Variants in ULK4 observed in about 807,000 individuals in gnomAD.
ULK4 encodes inactive serine/threonine-protein kinase ULK4.
ULK4 carries 133 observed loss-of-function variants against 160.6 expected under a neutral mutation model. The ratio of observed to expected loss-of-function variants is 0.83; its 90% CI spans 0.72 to 0.96. The LOEUF (loss-of-function observed/expected upper bound fraction) is 0.96, where lower values mean the gene tolerates loss of function less well. ULK4 is among the 40% of genes least tolerant of loss of function. The pLI, the probability that ULK4 is intolerant of heterozygous loss-of-function variation, is 0.00. For missense variants in ULK4, 1,580 were observed against 1,499.5 expected (o/e 1.05, Z -0.89); for synonymous variants, 534 against 539.8 (o/e 0.99, Z 0.15).
At chr3:41,914,222 G>A (rs1628874) in intron 8 of ULK4, among the ~76,000 whole-genome samples, 103,777 of 152,072 alleles carry the variant, frequency 0.68, 39,054 homozygotes, top group East Asian at 0.83. Flanking sequence ...ATTTATAGTC[G>A]ACTAATCATT....
intron 36 of ULK4, among the ~76,000 whole-genome samples, chr3:41,248,400 C>T (rs1352094158): frequency 6.6e-6 from 1 of 152,150 alleles, no homozygotes; most frequent in Non-Finnish European, 1.5e-5. Flanking sequence ...GCAGGAAAGT[C>T]AGTCTCTCCT....
intron 20 of ULK4, among the ~76,000 whole-genome samples, chr3:41,798,953 G>C (rs1322264928): frequency 6.6e-6 from 1 of 152,154 alleles, no homozygotes; most frequent in Admixed American, 6.6e-5. Context: ...TACCAGGAAG[G>C]AAAGAATTGA....
chr3:41,430,711 A>T (rs1288733388), intron 34 of ULK4, among the ~76,000 whole-genome samples: 1 of 152,244 alleles, frequency 6.6e-6, no homozygotes, highest in African/African-American at 2.4e-5. Context: ...TGGGAGCCAT[A>T]GGCAGGATAA....
chr3:41,689,731 C>T (rs550026989), intron 27 of ULK4, among the ~76,000 whole-genome samples: 162 of 152,232 alleles, frequency 1.1e-3, no homozygotes, highest in Admixed American at 5.0e-3. Flanking sequence ...CAAATCAATA[C>T]CACAATGAGA....
chr3:41,250,372 A>G (rs2078723750), intron 35 of ULK4, among the ~76,000 whole-genome samples: 1 of 152,240 alleles, frequency 6.6e-6, no homozygotes, highest in Admixed American at 6.5e-5. Context: ...AAACGCTTGT[A>G]TGGCACTTTA....
At chr3:41,862,890 T>C (rs1280345635) in intron 17 of ULK4, among the ~76,000 whole-genome samples, 1 of 150,264 alleles carries the variant, frequency 6.7e-6, no homozygotes, top group African/African-American at 2.4e-5. Context: ...ACCACCGCTA[T>C]GACAGCACTG....
chr3:41,899,312 T>G (rs1698272663), intron 13 of ULK4: 1 of 152,242 alleles, frequency 6.6e-6, no homozygotes, highest in African/African-American at 2.4e-5. Flanking sequence ...CTATAAGATG[T>G]GAACATTAAG....
intron 35 of ULK4, among the ~76,000 whole-genome samples, chr3:41,392,243 A>G (rs1575504878): frequency 6.6e-6 from 1 of 152,264 alleles, no homozygotes; most frequent in South Asian, 2.1e-4. Flanking sequence ...TTCCTGTTCA[A>G]TTACAGCAGA....
chr3:41,761,128 CAT>C (rs2038969056), intron 21 of ULK4, among the ~76,000 whole-genome samples: 1 of 152,046 alleles, frequency 6.6e-6, no homozygotes, highest in Non-Finnish European at 1.5e-5. Context: ...AGCACAAGGT[CAT>C]TCTTTGGGAA....
chr3:41,864,871 T>G (rs993819163), intron 17 of ULK4, among the ~76,000 whole-genome samples: 6 of 152,192 alleles, frequency 3.9e-5, no homozygotes, highest in African/African-American at 1.2e-4. Context: ...CTACCCTCAG[T>G]TGGCCTTTCT....
chr3:41,385,471 T>C (rs949794677), intron 35 of ULK4, among the ~76,000 whole-genome samples: 16 of 151,654 alleles, frequency 1.1e-4, no homozygotes, highest in African/African-American at 3.4e-4. Flanking sequence ...AAATGACAGA[T>C]TGGAGAAAAA....
At chr3:41,766,439 T>A (rs190921973) in intron 21 of ULK4, among the ~76,000 whole-genome samples, 1 of 152,354 alleles carries the variant, frequency 6.6e-6, no homozygotes, top group East Asian at 1.9e-4. Context: ...AACAGAAGCC[T>A]CAGGAAACCA....
intron 34 of ULK4, among the ~76,000 whole-genome samples, chr3:41,422,663 A>G (rs2125837998): frequency 6.6e-6 from 1 of 152,308 alleles, no homozygotes; most frequent in South Asian, 2.1e-4. Flanking sequence ...TCAAATGGAC[A>G]AAAAATTTTA....
chr3:41,576,605 T>A (rs1386098853), intron 31 of ULK4, among the ~76,000 whole-genome samples: 2 of 152,200 alleles, frequency 1.3e-5, no homozygotes, highest in African/African-American at 4.8e-5. Context: ...AGTTAAGCAA[T>A]TGATAAACAT....
chr3:41,425,021 C>A (rs2082746704), intron 34 of ULK4, among the ~76,000 whole-genome samples: 1 of 151,928 alleles, frequency 6.6e-6, no homozygotes. Flanking sequence ...CATGTTGTAA[C>A]CCAATGCAAA....
chr3:41,472,666 G>A (rs2084024195), intron 32 of ULK4, among the ~76,000 whole-genome samples: 1 of 151,782 alleles, frequency 6.6e-6, no homozygotes, highest in Non-Finnish European at 1.5e-5. Flanking sequence ...GGACCTAATG[G>A]CTTCACTGTT....
intron 34 of ULK4, among the ~76,000 whole-genome samples, chr3:41,430,079 T>C (rs1269254345): frequency 1.3e-5 from 2 of 152,152 alleles, no homozygotes; most frequent in African/African-American, 4.8e-5. Context: ...GAATATATAC[T>C]AAATGAAAAC....
chr3:41,919,688 G>T, intron 6 of ULK4, 29 bp downstream of exon 6: 1 of 1,579,484 alleles, frequency 6.3e-7, no homozygotes. Flanking sequence ...GTCCAGCTCT[G>T]ATTTTATACC....
intron 34 of ULK4, among the ~76,000 whole-genome samples, chr3:41,420,968 A>G (rs938928100): frequency 4.6e-5 from 7 of 151,938 alleles, no homozygotes; most frequent in African/African-American, 1.7e-4. Context: ...ACAAAAATGA[A>G]CTGGGCATGG....
Sources: allele counts gnomAD v4.1 joint callset (sites outside exome capture counted in the v4.1 genomes callset), GRCh38; gene constraint gnomAD v4.1.1; transcripts MANE v1.5; gene names NCBI Gene and HGNC (gene_info 2026-07-23, HGNC 2026-07-21).